GRIK2: variants seen among roughly 807,000 people sequenced by gnomAD.
GRIK2 encodes glutamate receptor ionotropic, kainate 2.
A neutral mutation model predicts 100.3 loss-of-function variants in GRIK2; 32 were observed. The ratio of observed to expected loss-of-function variants is 0.32; its 90% CI spans 0.24 to 0.43. The LOEUF (loss-of-function observed/expected upper bound fraction) is 0.43. Among genes scored for constraint, GRIK2 ranks in the 20% least tolerant of loss-of-function variants. The probability of loss-of-function intolerance (pLI) is 1.00; values close to 1 mark genes in which losing one functional copy is unlikely to be tolerated. For synonymous variants in GRIK2, 417 were observed against 389.4 expected, an observed-to-expected ratio of 1.07 and a Z score of -0.83; for missense variants, 843 against 1,114.9, an observed-to-expected ratio of 0.76 and a Z score of 3.47.
At chr6:101,572,419 C>T (rs1321525086) in intron 2 of GRIK2, among the ~76,000 whole-genome samples, 2 of 151,972 alleles carry the variant, frequency 1.3e-5, no homozygotes, top group East Asian at 3.9e-4. Context: ...TAATGTTTTA[C>T]TGTAAGTGTG....
chr6:101,837,920 GT>G (rs1219380879), intron 10 of GRIK2, among the ~76,000 whole-genome samples: 1 of 152,056 alleles, frequency 6.6e-6, no homozygotes, highest in Non-Finnish European at 1.5e-5. Context: ...TCTTTATGGG[GT>G]TCAGGACATG....
intron 4 of GRIK2, among the ~76,000 whole-genome samples, chr6:101,643,391 T>G (rs1428929374): frequency 6.6e-6 from 1 of 151,786 alleles, no homozygotes; most frequent in East Asian, 1.9e-4. Context: ...AATTAATTTT[T>G]TTTCTATCTT....
chr6:101,989,444 G>A (rs1794234688), intron 14 of GRIK2, among the ~76,000 whole-genome samples: 1 of 151,656 alleles, frequency 6.6e-6, no homozygotes, highest in Non-Finnish European at 1.5e-5. Context: ...CCCGGATAAA[G>A]CATTAGATTT....
At chr6:101,790,931 C>G (rs1416093394) in intron 7 of GRIK2, among the ~76,000 whole-genome samples, 3 of 152,150 alleles carry the variant, frequency 2.0e-5, no homozygotes, top group Non-Finnish European at 2.9e-5. Flanking sequence ...CTGGTTTAGT[C>G]TTGGGAGGGT....
chr6:101,712,380 G>A (rs1013473476), intron 7 of GRIK2, among the ~76,000 whole-genome samples: 3 of 151,754 alleles, frequency 2.0e-5, no homozygotes, highest in Admixed American at 1.3e-4. Context: ...GGAGAAGCAC[G>A]ATTTCAAACA....
At chr6:101,849,603 A>G (rs533661467) in intron 10 of GRIK2, among the ~76,000 whole-genome samples, 1 of 152,176 alleles carries the variant, frequency 6.6e-6, no homozygotes, top group African/African-American at 2.4e-5. Context: ...ACTAGTTATG[A>G]TTTAATGCCT....
intron 12 of GRIK2, among the ~76,000 whole-genome samples, chr6:101,909,253 A>AT (rs1364085012): frequency 1.3e-5 from 2 of 150,882 alleles, no homozygotes; most frequent in East Asian, 3.9e-4. Flanking sequence ...TATAAACATG[A>AT]TTATTGTTAT....
chr6:101,694,888 A>T (rs1772368441), intron 7 of GRIK2, among the ~76,000 whole-genome samples: 1 of 151,482 alleles, frequency 6.6e-6, no homozygotes, highest in Admixed American at 6.6e-5. Flanking sequence ...AACCAATGCC[A>T]TATAAAAAAA....
intron 2 of GRIK2, among the ~76,000 whole-genome samples, chr6:101,573,086 T>A (rs917867226): frequency 2.6e-5 from 4 of 152,028 alleles, no homozygotes; most frequent in Non-Finnish European, 5.9e-5. Context: ...CCTCAAGTGA[T>A]CCACCTTCCT....
chr6:101,663,721 A>G (rs1257358430), intron 4 of GRIK2, among the ~76,000 whole-genome samples: 1 of 152,224 alleles, frequency 6.6e-6, no homozygotes, highest in East Asian at 1.9e-4. Context: ...AATCCTGTTA[A>G]AGAGTTTCTA....
intron 7 of GRIK2, among the ~76,000 whole-genome samples, chr6:101,770,411 C>T (rs1461902141): frequency 6.6e-6 from 1 of 152,118 alleles, no homozygotes; most frequent in African/African-American, 2.4e-5. Context: ...GTGTCATCAC[C>T]TCACCTACTG....
intron 2 of GRIK2, among the ~76,000 whole-genome samples, chr6:101,464,055 A>C (rs574970351): frequency 5.9e-4 from 90 of 152,304 alleles, no homozygotes; most frequent in African/African-American, 2.1e-3. Context: ...CTTTCCTCGA[A>C]TTACTTGATT....
intron 2 of GRIK2, among the ~76,000 whole-genome samples, chr6:101,601,068 T>C (rs1779186981): frequency 6.6e-6 from 1 of 151,692 alleles, no homozygotes. Flanking sequence ...GTGTTTGTCA[T>C]AGATGGCTCT....
intron 2 of GRIK2, among the ~76,000 whole-genome samples, chr6:101,495,185 G>A (rs1773371801): frequency 1.3e-5 from 2 of 151,336 alleles, no homozygotes; most frequent in Non-Finnish European, 2.9e-5. Context: ...AAATTCCTAG[G>A]TATTAATTCT....
At chr6:101,572,826 ATTT>A (rs1253528508) in intron 2 of GRIK2, among the ~76,000 whole-genome samples, 1 of 64,962 alleles carries the variant, frequency 1.5e-5, no homozygotes, top group Non-Finnish European at 3.8e-5. Flanking sequence ...TTATTTATTT[ATTT>A]ATTTATTTAT....
At chr6:101,642,212 A>G (rs1265012356) in intron 4 of GRIK2, among the ~76,000 whole-genome samples, 1 of 151,856 alleles carries the variant, frequency 6.6e-6, no homozygotes, top group Admixed American at 6.6e-5. Flanking sequence ...CAGTACCATA[A>G]TCTTGTATTC....
At chr6:102,027,458 C>G (rs958765608) in intron 14 of GRIK2, among the ~76,000 whole-genome samples, 17 of 151,110 alleles carry the variant, frequency 1.1e-4, no homozygotes, top group African/African-American at 3.6e-4. Flanking sequence ...TGTTGTACCA[C>G]CTGATTAACT....
intron 9 of GRIK2, among the ~76,000 whole-genome samples, chr6:101,814,080 T>C (rs1344852415): frequency 6.6e-6 from 1 of 152,112 alleles, no homozygotes; most frequent in Non-Finnish European, 1.5e-5. Flanking sequence ...TGAATATTCG[T>C]TTTTCAGCAT....
chr6:101,574,305 TTATA>T (rs1320838906), intron 2 of GRIK2, among the ~76,000 whole-genome samples: 2 of 147,592 alleles, frequency 1.4e-5, no homozygotes, highest in African/African-American at 4.9e-5. Context: ...CTGTATATAT[TTATA>T]TATTTAATAT....
Sources: allele counts gnomAD v4.1 joint callset (sites outside exome capture counted in the v4.1 genomes callset), GRCh38; gene constraint gnomAD v4.1.1; transcripts MANE v1.5; gene names NCBI Gene and HGNC (gene_info 2026-07-23, HGNC 2026-07-21).